Variants in INTU observed in about 807,000 individuals in gnomAD.
The protein encoded by INTU is inturned planar cell polarity protein.
A neutral mutation model predicts 100.5 loss-of-function variants in INTU; 68 were observed. The observed-to-expected ratio is 0.68, with a 90% confidence interval of 0.56 to 0.83. The LOEUF is 0.83. INTU is among the 40% of genes least tolerant of loss of function. The probability of loss-of-function intolerance (pLI) is 0.00; values close to 1 mark genes in which losing one functional copy is unlikely to be tolerated. For missense variants in INTU, 1,071 were observed against 1,114.7 expected, an observed-to-expected ratio of 0.96 and a Z score of 0.56; for synonymous variants, 357 against 395.7, an observed-to-expected ratio of 0.90 and a Z score of 1.16.
At chr4:127,646,370 G>A (rs990257694) in intron 2 of INTU, among the ~76,000 whole-genome samples, 3 of 151,952 alleles carry the variant, frequency 2.0e-5, no homozygotes, top group African/African-American at 4.8e-5. Context: ...TTCATTTAAC[G>A]TGCCCCCCTT....
At chr4:127,664,973 T>C (rs2126201616) in intron 4 of INTU, among the ~76,000 whole-genome samples, 1 of 151,974 alleles carries the variant, frequency 6.6e-6, no homozygotes, top group Admixed American at 6.6e-5. Flanking sequence ...ACTCTTTCTT[T>C]TTTTTAAATG....
intron 6 of INTU, among the ~76,000 whole-genome samples, chr4:127,675,127 G>C (rs1217485439): frequency 6.6e-6 from 1 of 152,142 alleles, no homozygotes; most frequent in Non-Finnish European, 1.5e-5. Context: ...TTGTAATTTA[G>C]ACTTTTGCCT....
At chr4:127,695,905 G>T (rs896436167) in intron 8 of INTU, among the ~76,000 whole-genome samples, 8 of 152,050 alleles carry the variant, frequency 5.3e-5, no homozygotes, top group Non-Finnish European at 1.0e-4. Flanking sequence ...TCATGAAGGG[G>T]TATTGGATTT....
At position 127,643,885 on chromosome 4, in the gene INTU, A is replaced by G. The variant is rs777628487; in HGVS notation, c.511A>G (p.Thr171Ala). 1 of 1,614,146 alleles carries G rather than the reference A, an allele frequency of 6.2e-7. No homozygotes were observed. The highest frequency in any genetic ancestry group is 2.2e-5 in the East Asian group (1 of 44,874). ...TGTTTATGTAAACCCCAAAAAGCTA[A>G]CTGTTATCAAAGCCAAAGAGCAGCT... ...VNVYVNPKKL[T>A]VIKAKEQLKL... is the part of the protein sequence containing the mutation. Residue 171 changes from threonine to alanine, a missense_variant, in exon 2 of 16, where the codon ACT (threonine) becomes GCT (alanine). By Grantham distance (58) the Thr-to-Ala change is moderately conservative. Transcript: ENST00000335251.
intron 8 of INTU, 74 bp downstream of exon 8, chr4:127,687,941 T>G (rs1729909178): frequency 9.5e-7 from 1 of 1,048,694 alleles, no homozygotes; most frequent in Non-Finnish European, 1.3e-6. Flanking sequence ...CTTTTTTTCG[T>G]AGACTTTTTG....
chr4:127,640,803 A>C (rs1354957631), intron 1 of INTU, among the ~76,000 whole-genome samples: 1 of 151,788 alleles, frequency 6.6e-6, no homozygotes, highest in Non-Finnish European at 1.5e-5. Flanking sequence ...TAATGATTCC[A>C]CTTTTTCAAA....
chr4:127,714,095 T>A lies in INTU; in HGVS notation c.2717+2T>A, dbSNP rs1210154049. ...AGTTATGGCTTACTGGGTAGTAGGG[T>A]AAGTGAGAAAAAAAAGTATTTGAAA... On this transcript the variant is annotated splice_donor_variant, in intron 15 of 15. Transcript: ENST00000335251. LOFTEE classifies it high-confidence loss of function. The A allele has an allele frequency of 1.9e-6, 3 of 1,599,288 alleles. No homozygotes were observed. Among genetic ancestry groups the A allele is most frequent in the Admixed American group, 3.6e-5 (2 of 55,162 alleles).
intron 11 of INTU, 80 bp from the exon 12 acceptor site, chr4:127,706,407 T>TA: frequency 8.1e-7 from 1 of 1,228,746 alleles, no homozygotes; most frequent in Non-Finnish European, 1.1e-6. Context: ...GTCTTCGATA[T>TA]TTATAAGTTT....
intron 8 of INTU, chr4:127,699,182 T>C (rs1286270876): frequency 6.6e-6 from 1 of 152,174 alleles, no homozygotes; most frequent in African/African-American, 2.4e-5. Context: ...AAAAAGGGAT[T>C]CTTATTCACA....
intron 1 of INTU, among the ~76,000 whole-genome samples, chr4:127,642,930 T>G (rs72616921): frequency 0.03 from 4,623 of 152,260 alleles, 305 homozygotes; most frequent in East Asian, 0.26. Context: ...CTATATTAAC[T>G]GTGATTATAA....
chr4:127,708,025 A>G (rs912723956), intron 12 of INTU, among the ~76,000 whole-genome samples: 17 of 152,140 alleles, frequency 1.1e-4, no homozygotes, highest in Non-Finnish European at 1.9e-4. Context: ...ATACTTTTGG[A>G]CCCCTAAGTG....
At chr4:127,693,336 T>C (rs1420281698) in intron 8 of INTU, among the ~76,000 whole-genome samples, 2 of 152,054 alleles carry the variant, frequency 1.3e-5, no homozygotes, top group Non-Finnish European at 2.9e-5. Context: ...TTTGCAGCTA[T>C]TGTGAAAGGG....
intron 6 of INTU, among the ~76,000 whole-genome samples, chr4:127,679,958 A>C (rs1729443021): frequency 6.6e-6 from 1 of 152,272 alleles, no homozygotes; most frequent in African/African-American, 2.4e-5. Flanking sequence ...AACTACCGTC[A>C]GAGAATACTA....
chr4:127,649,263 G>T (rs1727723116), intron 2 of INTU, among the ~76,000 whole-genome samples: 1 of 152,122 alleles, frequency 6.6e-6, no homozygotes, highest in Non-Finnish European at 1.5e-5. Flanking sequence ...GCACAGCATT[G>T]ACCTTATTAT....
intron 8 of INTU, among the ~76,000 whole-genome samples, chr4:127,691,962 G>GTGTGTGTGTATATA: frequency 1.0e-5 from 1 of 98,262 alleles, no homozygotes; most frequent in African/African-American, 4.0e-5. Flanking sequence ...TCCATGGTAT[G>GTGTGTGTGTATATA]TATATATATA....
intron 11 of INTU, 60 bp from the exon 12 acceptor site, chr4:127,706,427 C>A: frequency 7.1e-7 from 1 of 1,413,344 alleles, no homozygotes; most frequent in Non-Finnish European, 9.7e-7. Flanking sequence ...TATACATGCA[C>A]ATTTTATGTA....
chr4:127,672,256 C>T (rs572315769), intron 5 of INTU, among the ~76,000 whole-genome samples: 1 of 152,244 alleles, frequency 6.6e-6, no homozygotes, highest in Admixed American at 6.5e-5. Flanking sequence ...GAAAGAAATC[C>T]TATACCCTTT....
intron 14 of INTU, among the ~76,000 whole-genome samples, chr4:127,711,432 T>C (rs1731088133): frequency 6.6e-6 from 1 of 151,580 alleles, no homozygotes; most frequent in African/African-American, 2.4e-5. Context: ...TATCTACCAA[T>C]TGGTTCCTAA....
chr4:127,712,444 G>GT (rs1278778978), intron 14 of INTU, among the ~76,000 whole-genome samples: 4 of 152,022 alleles, frequency 2.6e-5, no homozygotes, highest in Non-Finnish European at 4.4e-5. Flanking sequence ...ATATAAATTA[G>GT]TTTTCCCCAT....
Sources: gnomAD v4.1 joint callset for allele counts (sites outside exome capture counted in the v4.1 genomes callset) on GRCh38, gnomAD v4.1.1 for gene constraint, MANE v1.5 for transcripts, NCBI Gene and HGNC (gene_info 2026-07-23, HGNC 2026-07-21) for gene names.